ACVR1: variants seen among roughly 807,000 people sequenced by gnomAD.
The protein encoded by ACVR1 is activin A receptor type 1.
In ACVR1, 38 loss-of-function variants were observed where a neutral mutation model predicts 57.1. The observed-to-expected ratio is 0.67, with a 90% CI of 0.51 to 0.87. The LOEUF (loss-of-function observed/expected upper bound fraction) is 0.87. ACVR1 is among the 40% of genes least tolerant of loss of function. ACVR1 has a pLI of 0.00. For missense variants in ACVR1, 463 were observed against 638.2 expected (o/e 0.73, Z 2.96); for synonymous variants, 212 against 228.1 (o/e 0.93, Z 0.63).
intron 1 of ACVR1, among the ~76,000 whole-genome samples, chr2:157,854,852 A>C (rs1442700676): frequency 2.0e-5 from 3 of 152,022 alleles, no homozygotes; most frequent in African/African-American, 2.4e-5. Flanking sequence ...AATTCTGGTC[A>C]ACATGGTAAA....
chr2:157,776,923 T>C (rs1417064165), intron 5 of ACVR1, among the ~76,000 whole-genome samples: 1 of 152,244 alleles, frequency 6.6e-6, no homozygotes, highest in African/African-American at 2.4e-5. Flanking sequence ...AGAAAGTTAT[T>C]ACTTTGATTG....
chr2:157,841,669 G>C (rs115663673), intron 1 of ACVR1, among the ~76,000 whole-genome samples: 27 of 152,204 alleles, frequency 1.8e-4, no homozygotes, highest in African/African-American at 6.0e-4. Flanking sequence ...CCATGATCTT[G>C]CCTGTGAATA....
chr2:157,786,306 T>C, intron 3 of ACVR1, among the ~76,000 whole-genome samples: 1 of 152,206 alleles, frequency 6.6e-6, no homozygotes, highest in East Asian at 1.9e-4. Context: ...CACCGTTCAT[T>C]ACATACCCCA....
At chr2:157,829,337 T>C (rs1451829109) in intron 1 of ACVR1, among the ~76,000 whole-genome samples, 1 of 152,150 alleles carries the variant, frequency 6.6e-6, no homozygotes. Context: ...GAAACCAAGT[T>C]TGCCTTACAA....
At chr2:157,810,456 G>C (rs916887304) in intron 2 of ACVR1, among the ~76,000 whole-genome samples, 1 of 152,182 alleles carries the variant, frequency 6.6e-6, no homozygotes, top group Non-Finnish European at 1.5e-5. Flanking sequence ...ATAAGAACTT[G>C]AGAAGGAAAG....
chr2:157,858,511 AC>A (rs749556902), intron 1 of ACVR1, among the ~76,000 whole-genome samples: 3 of 152,048 alleles, frequency 2.0e-5, no homozygotes, highest in Non-Finnish European at 4.4e-5. Context: ...TTGCTCTGTC[AC>A]CCAAGCTGGA....
intron 2 of ACVR1, among the ~76,000 whole-genome samples, chr2:157,799,934 G>A (rs1176820901): frequency 1.3e-5 from 2 of 152,156 alleles, no homozygotes; most frequent in South Asian, 4.1e-4. Context: ...AATAATTCAA[G>A]CCAAATTACT....
At chr2:157,806,300 C>T (rs977920489) in intron 2 of ACVR1, among the ~76,000 whole-genome samples, 1 of 152,022 alleles carries the variant, frequency 6.6e-6, no homozygotes, top group African/African-American at 2.4e-5. Context: ...CCCCAATCAT[C>T]TCCTCCCTCC....
At chr2:157,841,341 ATTATTTTAT>A (rs1688965837) in intron 1 of ACVR1, among the ~76,000 whole-genome samples, 1 of 152,174 alleles carries the variant, frequency 6.6e-6, no homozygotes, top group South Asian at 2.1e-4. Flanking sequence ...CCTTATAGTC[ATTATTTTAT>A]CTGAAGTTAT....
At chr2:157,847,671 T>C (rs774272170) in intron 1 of ACVR1, among the ~76,000 whole-genome samples, 4 of 151,726 alleles carry the variant, frequency 2.6e-5, no homozygotes, top group Non-Finnish European at 4.4e-5. Flanking sequence ...CTTCAAAGAG[T>C]TTATAATCTA....
intron 2 of ACVR1, among the ~76,000 whole-genome samples, chr2:157,805,006 A>G (rs2105312661): frequency 6.6e-6 from 1 of 152,336 alleles, no homozygotes; most frequent in South Asian, 2.1e-4. Flanking sequence ...CCCACAATGT[A>G]CTACCCAAAA....
At chr2:157,782,925 A>G (rs929468296) in intron 3 of ACVR1, among the ~76,000 whole-genome samples, 28 of 152,302 alleles carry the variant, frequency 1.8e-4, no homozygotes, top group Admixed American at 1.7e-3. Flanking sequence ...GTTTGGGGAT[A>G]AGGGGTTAGC....
At chr2:157,842,884 G>A (rs1426189093) in intron 1 of ACVR1, among the ~76,000 whole-genome samples, 3 of 152,080 alleles carry the variant, frequency 2.0e-5, no homozygotes, top group Non-Finnish European at 2.9e-5. Context: ...GAAAACCAGC[G>A]AGGCAGTGTA....
intron 9 of ACVR1, among the ~76,000 whole-genome samples, chr2:157,742,185 A>G (rs1054690145): frequency 6.6e-6 from 1 of 152,198 alleles, no homozygotes; most frequent in African/African-American, 2.4e-5. Context: ...AGAAAGCGAT[A>G]ATCAGCGTAG....
chr2:157,803,918 T>A (rs1216413024), intron 2 of ACVR1, among the ~76,000 whole-genome samples: 10 of 152,080 alleles, frequency 6.6e-5, no homozygotes. Context: ...TATTTTTTTT[T>A]TATTTTAAAA....
rs184515395 is a variant in ACVR1, at chr2:157,787,894, C to T, written c.68-7294G>A. On this transcript the variant is annotated intron_variant, in intron 3 of 10. Transcript: ENST00000434821. ...CTTCAATTTCTCTTCTTGCCTCCTA[C>T]TCTACCTCTCTCTCTGGGATTCATG... 2.6e-4 allele frequency among the ~76,000 whole-genome samples: 39 copies of T among 152,260 alleles called. No homozygotes were observed. In the East Asian group the frequency reaches 5.2e-3, roughly 20 times the overall value.
chr2:157,764,363 CTT>C (rs113156681), intron 8 of ACVR1, among the ~76,000 whole-genome samples: 10 of 133,692 alleles, frequency 7.5e-5, no homozygotes, highest in Admixed American at 2.3e-4. Context: ...TATTATTTTT[CTT>C]TTTTTTTTTT....
intron 10 of ACVR1, among the ~76,000 whole-genome samples, chr2:157,737,989 A>G (rs993278442): frequency 2.6e-5 from 4 of 152,138 alleles, no homozygotes; most frequent in African/African-American, 9.7e-5. Flanking sequence ...GAAATTTCCA[A>G]ATAGGGTCAT....
chr2:157,811,957 C>T (rs1475716701), intron 2 of ACVR1, among the ~76,000 whole-genome samples: 2 of 152,126 alleles, frequency 1.3e-5, no homozygotes, highest in Admixed American at 6.5e-5. Context: ...TATTCTATCA[C>T]CCCGTTGTGT....
Sources: allele counts gnomAD v4.1 joint callset (sites outside exome capture counted in the v4.1 genomes callset), GRCh38; gene constraint gnomAD v4.1.1; transcripts MANE v1.5; gene names NCBI Gene and HGNC (gene_info 2026-07-23, HGNC 2026-07-21).